SLC39A10: variants seen among roughly 807,000 people sequenced by gnomAD.
The protein encoded by SLC39A10 is solute carrier family 39 member 10.
A neutral mutation model predicts 65.1 loss-of-function variants in SLC39A10; 13 were observed. That is an observed-to-expected ratio of 0.20 (90% confidence interval 0.13 to 0.32). The LOEUF (loss-of-function observed/expected upper bound fraction) is 0.32, where lower values mean the gene tolerates loss of function less well. Among genes scored for constraint, SLC39A10 ranks in the 10% least tolerant of loss-of-function variants. The probability of loss-of-function intolerance (pLI) is 1.00; values close to 1 mark genes in which losing one functional copy is unlikely to be tolerated. For synonymous variants in SLC39A10, 321 were observed against 342.2 expected (o/e 0.94, Z 0.68); for missense variants, 831 against 1,018.4 (o/e 0.82, Z 2.50).
chr2:195,636,548 G>A lies in SLC39A10; in HGVS notation c.-12+30315G>A, dbSNP rs879467881. 7.2e-5 allele frequency among the ~76,000 whole-genome samples: 11 copies of A among 151,918 alleles called. No homozygotes were observed. The South Asian group carries it at 1.0e-3, about 14-fold the overall frequency. Reference sequence around the variant, plus strand: ...GGGTGGATCACAAGGTCAGGAGGTCGAGACCATCCTGGCTAACACGGTGAA... The same window carrying A: ...GGGTGGATCACAAGGTCAGGAGGTCAAGACCATCCTGGCTAACACGGTGAA... On this transcript the variant is annotated intron_variant, in intron 2 of 2. Coordinates refer to the SLC39A10 transcript ENST00000458054.
intron 9 of SLC39A10, among the ~76,000 whole-genome samples, chr2:195,734,208 T>C (rs2105853702): frequency 6.6e-6 from 1 of 151,674 alleles, no homozygotes; most frequent in Non-Finnish European, 1.5e-5. Context: ...TTTTGCTCTG[T>C]TGCCCAGGCT....
At position 195,728,372 on chromosome 2, in the gene SLC39A10, G is replaced by A. The variant is rs757230526; in HGVS notation, c.2337+23G>A. 4.4e-6 allele frequency: 7 copies of A among 1,598,890 alleles called. No individual in the cohort carries two copies. Among genetic ancestry groups the A allele is most frequent in the South Asian group, 3.4e-5 (3 of 88,862 alleles). On this transcript the variant is annotated intron_variant, in intron 9 of 9. Coordinates refer to ENST00000359634, the MANE Select transcript of SLC39A10 (RefSeq NM_020342.3). The surrounding 1 kb of genome is among the most constrained non-coding windows in gnomAD (Gnocchi z 4.4). Reference sequence around the variant, plus strand: ...ATGGTAAGATATTTTATATTTTTTTGTGGTACTAAACCTGCAAATGAAAGA... The same window carrying A: ...ATGGTAAGATATTTTATATTTTTTTATGGTACTAAACCTGCAAATGAAAGA...
chr2:195,730,163 C>T, intron 9 of SLC39A10, among the ~76,000 whole-genome samples: 1 of 150,662 alleles, frequency 6.6e-6, no homozygotes, highest in South Asian at 2.1e-4. Context: ...GGTTTTCCCC[C>T]TGACTTTTCT....
At chr2:195,714,096 T>G (rs1005565777) in intron 6 of SLC39A10, among the ~76,000 whole-genome samples, 1 of 151,944 alleles carries the variant, frequency 6.6e-6, no homozygotes. Context: ...CTGGCTAATT[T>G]TTTTCTTTGT....
chr2:195,620,706 C>T (rs182547396), intron 2 of SLC39A10, among the ~76,000 whole-genome samples: 1 of 152,228 alleles, frequency 6.6e-6, no homozygotes, highest in Non-Finnish European at 1.5e-5. Flanking sequence ...CCTTCAAGAG[C>T]CATTCATTCA....
chr2:195,695,731 C>G (rs1690931355), intron 3 of SLC39A10, among the ~76,000 whole-genome samples: 1 of 152,238 alleles, frequency 6.6e-6, no homozygotes. Context: ...TTCCAGCCGC[C>G]TATCCGCCAT....
At chr2:195,613,906 C>G (rs1387985570) in intron 2 of SLC39A10, among the ~76,000 whole-genome samples, 1 of 152,098 alleles carries the variant, frequency 6.6e-6, no homozygotes, top group African/African-American at 2.4e-5. Flanking sequence ...AACTTATTAG[C>G]AATGTGGAGA....
chr2:195,660,177 G>T (rs188593114), intron 1 of SLC39A10, among the ~76,000 whole-genome samples: 2 of 152,218 alleles, frequency 1.3e-5, no homozygotes, highest in African/African-American at 4.8e-5. Flanking sequence ...AACCATTATG[G>T]TTAGGCTAAA....
At chr2:195,644,548 G>C (rs1019542906) in intron 2 of SLC39A10, among the ~76,000 whole-genome samples, 1 of 151,638 alleles carries the variant, frequency 6.6e-6, no homozygotes, top group Non-Finnish European at 1.5e-5. Flanking sequence ...CACCATGTTG[G>C]TCAGGCTGGT....
rs543433292 is a variant in SLC39A10, at chr2:195,616,297, G to T, written c.-12+10064G>T. On this transcript the variant is annotated intron_variant, in intron 2 of 2. Transcript: ENST00000458054. The stretch of plus-strand genomic sequence containing the variant: ...AACTGATATTTTAATATTTCAATTT[G>T]GATTGATTGATTGATTGATTGATTT... 7.5e-3 allele frequency among the ~76,000 whole-genome samples: 1,132 copies of T among 150,884 alleles called. 7 individuals are homozygous for T. The highest frequency in any genetic ancestry group is 0.015 in the South Asian group (72 of 4,736).
At chr2:195,710,048 C>T (rs1691554531) in intron 5 of SLC39A10, among the ~76,000 whole-genome samples, 2 of 152,070 alleles carry the variant, frequency 1.3e-5, no homozygotes. Context: ...AATGATGCAC[C>T]ACTTTGGAGA....
rs1319160286 is a variant in SLC39A10, at chr2:195,707,038, A to G, written c.1386+253A>G. Among the ~76,000 whole-genome samples the G allele has an allele frequency of 1.9e-4, 29 of 152,188 alleles. 1 individual carries two copies. Among genetic ancestry groups the G allele is most frequent in the Admixed American group, 1.9e-3 (29 of 15,286 alleles). ...TTGGATTAAAATTTGCAATATCAGT[A>G]GCAGTGAGTGGTCTTTTTTATCTGT... is the stretch of plus-strand genomic sequence containing the variant. On this transcript the variant is annotated intron_variant, in intron 4 of 9. Transcript: ENST00000359634.
chr2:195,706,544 T>C, intron 3 of SLC39A10, 72 bp from the exon 4 acceptor site: 1 of 1,386,960 alleles, frequency 7.2e-7, no homozygotes, highest in Non-Finnish European at 1.0e-6. Context: ...TTATCTTATA[T>C]TTTTATTCTT....
chr2:195,727,141 A>T (rs1220455782), intron 8 of SLC39A10, among the ~76,000 whole-genome samples: 1 of 152,144 alleles, frequency 6.6e-6, no homozygotes, highest in African/African-American at 2.4e-5. Flanking sequence ...GCTTGCAGAT[A>T]ATGTTCCAAC....
rs2105845310 is a variant in SLC39A10 at position 195,728,434 on chromosome 2, A to G, written c.2337+85A>G. 7.9e-7 allele frequency: 1 copy of G among 1,262,002 alleles called. No individual in the cohort carries two copies. Among genetic ancestry groups the G allele is most frequent in the South Asian group, 1.5e-5 (1 of 65,576 alleles). 78.2% of individuals were successfully genotyped at this position (1,262,002 alleles called of 1,614,324 possible). A position where few individuals can be genotyped will look rare whatever the true frequency, so the allele number is the denominator to read the frequency against. On this transcript the variant is annotated intron_variant, in intron 9 of 9. Coordinates refer to ENST00000359634, the MANE Select transcript of SLC39A10 (RefSeq NM_020342.3). The surrounding 1 kb of genome is among the most constrained non-coding windows in gnomAD (Gnocchi z 4.4). ...GTGGTTTGAAGCCAAACTATTTTTG[A>G]AAATATAACTCATTTTAAAGACATA...
intron 1 of SLC39A10, among the ~76,000 whole-genome samples, chr2:195,673,107 C>A (rs1226261610): frequency 6.6e-6 from 1 of 152,172 alleles, no homozygotes; most frequent in South Asian, 2.1e-4. Flanking sequence ...AAATGCTTAA[C>A]CTATATATGC....
At chr2:195,703,140 C>T (rs1282228227) in intron 3 of SLC39A10, among the ~76,000 whole-genome samples, 9 of 152,096 alleles carry the variant, frequency 5.9e-5, no homozygotes, top group Admixed American at 5.9e-4. Flanking sequence ...TTTGAAATAC[C>T]CCCTATCTCA....
At chr2:195,682,169 T>G (rs1419747192) in intron 2 of SLC39A10, among the ~76,000 whole-genome samples, 1 of 152,200 alleles carries the variant, frequency 6.6e-6, no homozygotes, top group African/African-American at 2.4e-5. Flanking sequence ...GGGATGTTGA[T>G]TCCTTGTTTA....
Position 195,716,992 on chromosome 2 carries a change from T to C in SLC39A10, c.2052T>C (p.Asp684=), listed in dbSNP as rs1276120478. The C allele has an allele frequency of 4.3e-6, 7 of 1,613,620 alleles. No homozygotes were observed. The East Asian group carries it at 1.1e-4, about 26-fold the overall frequency. Residue 684 remains aspartate (D), a synonymous_variant, in exon 7 of 10, where the codon GAT becomes GAC. Coordinates refer to ENST00000359634, the MANE Select transcript of SLC39A10 (RefSeq NM_020342.3). ...GGGATGGCATCCACAACTTCAGTGA[T>C]GGGCTCGCAATTGGTAAGTGGACTG... ...IMGDGIHNFS[D]GLAIGAAFSA...
Sources: gnomAD v4.1 joint callset for allele counts (sites outside exome capture counted in the v4.1 genomes callset) on GRCh38, gnomAD v4.1.1 for gene constraint, Gnocchi (gnomAD v3.1) non-coding constraint, MANE v1.5 for transcripts, NCBI Gene and HGNC (gene_info 2026-07-23, HGNC 2026-07-21) for gene names.